The following ZFYVE16 variants were observed in gnomAD, a reference collection of about 807,000 sequenced individuals.
ZFYVE16 encodes zinc finger FYVE domain-containing protein 16.
In ZFYVE16, 89 loss-of-function variants were observed where a neutral mutation model predicts 138.1. The observed-to-expected ratio is 0.64, with a 90% CI of 0.54 to 0.77. The LOEUF (loss-of-function observed/expected upper bound fraction) is 0.77. ZFYVE16 is among the 30% of genes least tolerant of loss of function. The probability of loss-of-function intolerance (pLI) is 0.00; values close to 1 mark genes in which losing one functional copy is unlikely to be tolerated. For synonymous variants in ZFYVE16, 596 were observed against 618.3 expected (o/e 0.96, Z 0.53); for missense variants, 1,793 against 1,786.7 (o/e 1.00, Z -0.06).
At chr5:80,472,559 CTT>C (rs1754489338) in intron 15 of ZFYVE16, among the ~76,000 whole-genome samples, 200 bp from the exon 16 acceptor site, 1 of 88,492 alleles carries the variant, frequency 1.1e-5, no homozygotes, top group African/African-American at 2.8e-5. Context: ...CAGAAATTCT[CTT>C]TGTTTTAACC....
At chr5:80,450,669 A>G (rs1751892202) in intron 10 of ZFYVE16, 83 bp downstream of exon 10, 5 of 1,323,696 alleles carry the variant, frequency 3.8e-6, no homozygotes, top group Admixed American at 4.8e-5. Context: ...TGTGCTAGCT[A>G]TACTAAAGAT....
At chr5:80,427,338 T>C (rs1190936129) in intron 1 of ZFYVE16, among the ~76,000 whole-genome samples, 154 bp from the exon 2 acceptor site, 1 of 152,184 alleles carries the variant, frequency 6.6e-6, no homozygotes, top group African/African-American at 2.4e-5. Context: ...GTCTTTAGTA[T>C]GATTTGATCT....
rs1369115496 is a variant in ZFYVE16 at position 80,482,584 on chromosome 5, C to T, written c.*5207C>T. Reference sequence around the variant, plus strand: ...ATTCTATTTAAAGCCGGTCTGCTGGCACAGCAAATCCCAAAAAGGAAAACC... The same window carrying T: ...ATTCTATTTAAAGCCGGTCTGCTGGTACAGCAAATCCCAAAAAGGAAAACC... On this transcript the variant is annotated 3_prime_UTR_variant, in exon 19 of 19. Transcript: ENST00000505560. 1.3e-5 allele frequency: 2 copies of T among 152,146 alleles called. No homozygotes were observed. The highest frequency in any genetic ancestry group is 4.8e-5 in the African/African-American group (2 of 41,428). 9.4% of individuals were successfully genotyped at this position (152,146 alleles called of 1,614,324 possible). A position where few individuals can be genotyped will look rare whatever the true frequency, so the allele number is the denominator to read the frequency against.
At chr5:80,439,295 C>G (rs1413735209) in intron 4 of ZFYVE16, among the ~76,000 whole-genome samples, 2 of 152,178 alleles carry the variant, frequency 1.3e-5, no homozygotes, top group Non-Finnish European at 2.9e-5. Flanking sequence ...TCTTATCTCT[C>G]TAATATTGAC....
rs370547347 is a variant in ZFYVE16 at position 80,408,164 on chromosome 5, C to T, written c.-94+11C>T. On this transcript the variant is annotated intron_variant, in intron 1 of 18. Transcript: ENST00000505560. ...AGGGGCTGTAGGGAGGTAAGAGCCC[C>T]CCGTGACCGGTCGTCTCGGCCTCCC... 3 of 152,452 alleles carry T rather than the reference C, an allele frequency of 2.0e-5. No individual in the cohort carries two copies. In the East Asian group the frequency reaches 5.8e-4, roughly 30 times the overall value. 9.4% of individuals were successfully genotyped at this position (152,452 alleles called of 1,614,324 possible). A position where few individuals can be genotyped will look rare whatever the true frequency, so the allele number is the denominator to read the frequency against.
intron 11 of ZFYVE16, chr5:80,454,451 C>T (rs1752298311): frequency 6.6e-6 from 1 of 151,896 alleles, no homozygotes; most frequent in Non-Finnish European, 1.5e-5. Context: ...GTTAGGTGGC[C>T]GACCTCATGT....
chr5:80,436,601 C>A (rs1396782366), intron 3 of ZFYVE16, among the ~76,000 whole-genome samples, 155 bp from the exon 4 acceptor site: 1 of 152,044 alleles, frequency 6.6e-6, no homozygotes, highest in Non-Finnish European at 1.5e-5. Context: ...AAAGGAAATA[C>A]AAAAATAGTT....
intron 15 of ZFYVE16, among the ~76,000 whole-genome samples, chr5:80,463,231 C>T (rs1753323645): frequency 6.6e-6 from 1 of 152,234 alleles, no homozygotes; most frequent in Non-Finnish European, 1.5e-5. Flanking sequence ...CAGCAAACTT[C>T]TGCCTGGACA....
intron 1 of ZFYVE16, among the ~76,000 whole-genome samples, chr5:80,418,562 C>T (rs970257827): frequency 6.6e-6 from 1 of 152,190 alleles, no homozygotes; most frequent in East Asian, 1.9e-4. Flanking sequence ...GAACTTCCCA[C>T]CTCAGCTTCT....
chr5:80,449,561 C>T, intron 8 of ZFYVE16, 30 bp from the exon 9 acceptor site: 2 of 1,584,530 alleles, frequency 1.3e-6, no homozygotes, highest in South Asian at 1.2e-5. Flanking sequence ...GGATATTTAT[C>T]CTGATTAATA....
intron 8 of ZFYVE16, 39 bp downstream of exon 8, chr5:80,448,443 A>G (rs1346405950): frequency 1.4e-6 from 2 of 1,409,300 alleles, no homozygotes; most frequent in African/African-American, 1.5e-5. Context: ...AGATTTAAAA[A>G]TATATACTGA....
intron 1 of ZFYVE16, among the ~76,000 whole-genome samples, chr5:80,419,655 G>T (rs891520753): frequency 2.0e-5 from 3 of 152,118 alleles, no homozygotes; most frequent in Non-Finnish European, 4.4e-5. Context: ...GGGATTACTG[G>T]CATGAGCCAC....
intron 1 of ZFYVE16, among the ~76,000 whole-genome samples, chr5:80,421,944 C>G (rs562748158): frequency 7.2e-5 from 11 of 152,296 alleles, no homozygotes; most frequent in African/African-American, 2.2e-4. Flanking sequence ...AATGTTCTTG[C>G]ATTTGTTTGT....
chr5:80,470,104 T>A lies in ZFYVE16; in HGVS notation c.4025-2657T>A, dbSNP rs1419808234. ...GTGTGTGTGTGTGTGTGTGTGTATTTTTTTTTTTTTTTTTTGAGACAGAGT... is the reference window on the plus strand; with the variant it reads ...GTGTGTGTGTGTGTGTGTGTGTATTATTTTTTTTTTTTTTTGAGACAGAGT... On this transcript the variant is annotated intron_variant, in intron 15 of 18. Coordinates refer to ENST00000505560, the MANE Select transcript of ZFYVE16 (RefSeq NM_001284236.3). 4.5e-5 allele frequency among the ~76,000 whole-genome samples: 2 copies of A among 44,420 alleles called. 1 individual carries two copies. Among genetic ancestry groups the A allele is most frequent in the Non-Finnish European group, 2.0e-4 (2 of 10,018 alleles). The allele number at this position is 44,420 out of a possible 152,430, so 29.1% of individuals were successfully genotyped here.
chr5:80,443,670 A>G (rs1750977585), intron 6 of ZFYVE16: 1 of 455,422 alleles, frequency 2.2e-6, no homozygotes, highest in East Asian at 6.9e-5. Context: ...ATTTGATGTT[A>G]GGAGTACTGA....
At position 80,437,208 on chromosome 5, in the gene ZFYVE16, G is replaced by A; in HGVS notation, c.523G>A (p.Val175Ile). The change falls in exon 4 of 19, where the codon GTT (valine) becomes ATT (isoleucine). Residue 175 changes from valine to isoleucine, a missense_variant. Val to Ile is a conservative substitution (Grantham distance 29, BLOSUM62 3). Around this residue, in one of 2 missense-constraint regions of ZFYVE16, gnomAD observed 1,295 missense variants for 1,204.3 expected, o/e 1.08. Coordinates refer to ENST00000505560, the MANE Select transcript of ZFYVE16 (RefSeq NM_001284236.3). ...ATCTTCAGTGTCAGATACTCCCTGT[G>A]TTTCTTCAACAGACCATGATAGTGA... ...DLSSVSDTPC[V>I]SSTDHDSDTV... 6.2e-7 allele frequency: 1 copy of A among 1,613,950 alleles called. No individual in the cohort carries two copies. The highest frequency in any genetic ancestry group is 8.5e-7 in the Non-Finnish European group (1 of 1,179,986).
At chr5:80,407,693 C>T (rs2112092686), upstream of ZFYVE16, among the ~76,000 whole-genome samples, 1 of 152,358 alleles carries the variant, frequency 6.6e-6, no homozygotes, top group South Asian at 2.1e-4. Context: ...GACCGGAACG[C>T]CGCGCAGGCT....
intron 10 of ZFYVE16, among the ~76,000 whole-genome samples, chr5:80,451,041 AC>A (rs1203243990): frequency 6.6e-6 from 1 of 151,956 alleles, no homozygotes; most frequent in African/African-American, 2.4e-5. Context: ...AGAACTTCTG[AC>A]CTCAAGTGAT....
chr5:80,442,788 ATCTC>A (rs769379671), intron 5 of ZFYVE16, among the ~76,000 whole-genome samples: 1 of 152,256 alleles, frequency 6.6e-6, no homozygotes, highest in Non-Finnish European at 1.5e-5. Context: ...GTCTAAAAGA[ATCTC>A]TCTAAACTAT....
Sources: allele counts gnomAD v4.1 joint callset (sites outside exome capture counted in the v4.1 genomes callset), GRCh38; gene constraint gnomAD v4.1.1; regional missense constraint gnomAD v4.1.1; transcripts MANE v1.5; gene names NCBI Gene and HGNC (gene_info 2026-07-23, HGNC 2026-07-21).